RAPGEF2: variants seen among roughly 807,000 people sequenced by gnomAD.
RAPGEF2 encodes Rap guanine nucleotide exchange factor 2, also known as PDZ domain containing guanine nucleotide exchange factor (GEF) 1.
Under a neutral mutation model 186.7 loss-of-function variants are expected in RAPGEF2, and 54 were observed. That is an observed-to-expected ratio of 0.29 (90% CI 0.23 to 0.36). RAPGEF2 has a LOEUF of 0.36. Ranked by LOEUF, RAPGEF2 falls within the 10% of genes least tolerant of loss-of-function variation. The pLI, the probability that RAPGEF2 is intolerant of heterozygous loss-of-function variation, is 1.00. For missense variants in RAPGEF2, 1,532 were observed against 2,045.0 expected, an observed-to-expected ratio of 0.75 and a Z score of 4.84; for synonymous variants, 712 against 705.9, an observed-to-expected ratio of 1.01 and a Z score of -0.14.
intron 5 of RAPGEF2, among the ~76,000 whole-genome samples, chr4:159,239,890 G>T (rs1308371327): frequency 6.6e-6 from 1 of 152,204 alleles, no homozygotes; most frequent in African/African-American, 2.4e-5. Flanking sequence ...TTTCAGAGAA[G>T]ATGTAGGGTT....
At chr4:159,174,886 A>C (rs1746300983) in intron 1 of RAPGEF2, among the ~76,000 whole-genome samples, 1 of 151,854 alleles carries the variant, frequency 6.6e-6, no homozygotes, top group Admixed American at 6.6e-5. Flanking sequence ...CTTCTCCAGT[A>C]ACTGGGACCA....
chr4:159,169,364 T>G (rs1012861260), intron 1 of RAPGEF2, among the ~76,000 whole-genome samples: 1 of 152,234 alleles, frequency 6.6e-6, no homozygotes, highest in Non-Finnish European at 1.5e-5. Context: ...GTGTACAACG[T>G]GATTTGAAAT....
At chr4:159,166,718 C>A (rs1339555317) in intron 1 of RAPGEF2, among the ~76,000 whole-genome samples, 1 of 151,938 alleles carries the variant, frequency 6.6e-6, no homozygotes, top group African/African-American at 2.4e-5. Context: ...TCAGGTATTT[C>A]ATATATACAT....
chr4:159,320,145 A>G (rs940461570), intron 9 of RAPGEF2, among the ~76,000 whole-genome samples: 3 of 152,188 alleles, frequency 2.0e-5, no homozygotes, highest in Non-Finnish European at 4.4e-5. Flanking sequence ...GTGAGGCGTG[A>G]GGGATGATGG....
intron 2 of RAPGEF2, among the ~76,000 whole-genome samples, chr4:159,187,081 A>G (rs1198214961): frequency 1.3e-5 from 2 of 152,192 alleles, no homozygotes; most frequent in Non-Finnish European, 2.9e-5. Flanking sequence ...GTAGTCAACA[A>G]GTAGGCTTAA....
chr4:159,243,389 A>G (rs1409681646), intron 6 of RAPGEF2, among the ~76,000 whole-genome samples: 1 of 151,876 alleles, frequency 6.6e-6, no homozygotes, highest in African/African-American at 2.4e-5. Flanking sequence ...GAAGATTGCA[A>G]AATTTTGTTT....
At chr4:159,244,332 T>C (rs1423128617) in intron 7 of RAPGEF2, among the ~76,000 whole-genome samples, 1 of 151,948 alleles carries the variant, frequency 6.6e-6, no homozygotes, top group Non-Finnish European at 1.5e-5. Context: ...TGTATTTTCT[T>C]ATTTGCACTT....
chr4:159,210,425 T>G (rs1177641973), intron 3 of RAPGEF2, 75 bp from the exon 4 acceptor site: 1 of 973,090 alleles, frequency 1.0e-6, no homozygotes, highest in East Asian at 2.6e-5. Context: ...GGTGCTGCAC[T>G]TTGTGCTATA....
rs1192133011 is a variant in RAPGEF2, at chr4:159,352,879, A to G, written c.4060A>G (p.Thr1354Ala). ...AGGGATGGGCAGGATGGAGAGGCGG[A>G]CCATGATTGAACCTGATCAGTATAG... ...NLGMGRMERR[T>A]MIEPDQYSLG... The change falls in exon 27 of 30, where the codon ACC (threonine) becomes GCC (alanine). Residue 1354 changes from threonine to alanine, a missense_variant. Thr to Ala is a moderately conservative substitution (Grantham distance 58, BLOSUM62 0). Transcript: ENST00000691494. 2 of 1,614,192 alleles carry G rather than the reference A, an allele frequency of 1.2e-6. No individual in the cohort carries two copies. The highest frequency in any genetic ancestry group is 1.7e-5 in the Admixed American group (1 of 60,020).
intron 3 of RAPGEF2, 101 bp from the exon 4 acceptor site, chr4:159,210,399 T>C: frequency 1.4e-6 from 1 of 697,428 alleles, no homozygotes; most frequent in Non-Finnish European, 2.3e-6. Context: ...TTCTTTATTA[T>C]TTTAAAAGTA....
At chr4:159,260,645 CA>C (rs1422348883) in intron 7 of RAPGEF2, among the ~76,000 whole-genome samples, 2 of 152,162 alleles carry the variant, frequency 1.3e-5, no homozygotes, top group East Asian at 3.9e-4. Flanking sequence ...AGGTATTTGA[CA>C]CTCATCCTTT....
At chr4:159,125,674 C>T (rs1740213006) in intron 1 of RAPGEF2, among the ~76,000 whole-genome samples, 1 of 151,340 alleles carries the variant, frequency 6.6e-6, no homozygotes, top group Admixed American at 6.6e-5. Flanking sequence ...AGGAGAATGG[C>T]GTGAACATGG....
intron 17 of RAPGEF2, among the ~76,000 whole-genome samples, chr4:159,335,522 T>A (rs997721385): frequency 3.9e-5 from 6 of 152,080 alleles, no homozygotes; most frequent in African/African-American, 9.7e-5. Context: ...AGGCAGTTCA[T>A]CATGTAAGGT....
At chr4:159,319,932 T>C (rs1765040417) in intron 9 of RAPGEF2, among the ~76,000 whole-genome samples, 1 of 152,234 alleles carries the variant, frequency 6.6e-6, no homozygotes, top group Non-Finnish European at 1.5e-5. Context: ...CTTCCCACTT[T>C]TTATTCTCTG....
At chr4:159,323,153 A>G (rs753916541) in intron 10 of RAPGEF2, among the ~76,000 whole-genome samples, 11 of 152,170 alleles carry the variant, frequency 7.2e-5, no homozygotes, top group Non-Finnish European at 1.2e-4. Context: ...AATGATGATC[A>G]TTTTGTCTAC....
At chr4:159,287,912 A>T (rs1020161173) in intron 7 of RAPGEF2, among the ~76,000 whole-genome samples, 1 of 152,290 alleles carries the variant, frequency 6.6e-6, no homozygotes, top group African/African-American at 2.4e-5. Context: ...TTCCAGGTCT[A>T]TGATTGTGCT....
At chr4:159,342,358 A>G (rs1035675692) in intron 20 of RAPGEF2, among the ~76,000 whole-genome samples, 2 of 151,988 alleles carry the variant, frequency 1.3e-5, no homozygotes, top group Non-Finnish European at 2.9e-5. Context: ...AAATAGCACA[A>G]AGCAGATGGC....
chr4:159,182,883 A>T (rs1348301980), intron 1 of RAPGEF2, among the ~76,000 whole-genome samples: 1 of 152,312 alleles, frequency 6.6e-6, no homozygotes, highest in Admixed American at 6.5e-5. Flanking sequence ...TGGTCTGTAC[A>T]CTGAAAAGAC....
chr4:159,260,386 T>G (rs1236363167), intron 7 of RAPGEF2, among the ~76,000 whole-genome samples: 2 of 152,104 alleles, frequency 1.3e-5, no homozygotes, highest in African/African-American at 4.8e-5. Context: ...CGAGGAAATC[T>G]TATCCCCAAA....
Sources: allele counts gnomAD v4.1 joint callset (sites outside exome capture counted in the v4.1 genomes callset), GRCh38; gene constraint gnomAD v4.1.1; transcripts MANE v1.5; gene names NCBI Gene and HGNC (gene_info 2026-07-23, HGNC 2026-07-21).